ADAMTS2: variants seen among roughly 807,000 people sequenced by gnomAD.
ADAMTS2 encodes ADAM metallopeptidase with thrombospondin type 1 motif 2.
Under a neutral mutation model 123.0 loss-of-function variants are expected in ADAMTS2, and 50 were observed. The observed-to-expected ratio is 0.41, with a 90% CI of 0.32 to 0.51. The LOEUF (loss-of-function observed/expected upper bound fraction) is 0.51, where lower values mean the gene tolerates loss of function less well. Among genes scored for constraint, ADAMTS2 ranks in the 20% least tolerant of loss-of-function variants. The pLI, the probability that ADAMTS2 is intolerant of heterozygous loss-of-function variation, is 0.35. For missense variants in ADAMTS2, 1,494 were observed against 1,705.2 expected, an observed-to-expected ratio of 0.88 and a Z score of 2.18; for synonymous variants, 678 against 695.4, an observed-to-expected ratio of 0.98 and a Z score of 0.39.
At chr5:179,131,549 C>T (rs542579445) in intron 15 of ADAMTS2, among the ~76,000 whole-genome samples, 24 of 152,060 alleles carry the variant, frequency 1.6e-4, no homozygotes, top group African/African-American at 5.5e-4. Flanking sequence ...TATCCAGGGG[C>T]CCCAGCAGTC....
At chr5:179,134,293 A>G (rs1461569450) in intron 13 of ADAMTS2, among the ~76,000 whole-genome samples, 11 of 152,178 alleles carry the variant, frequency 7.2e-5, no homozygotes, top group Admixed American at 7.2e-4. Context: ...ACAGCAAAGC[A>G]CTGGGTTGGG....
chr5:179,335,321 A>G (rs1253897187), intron 2 of ADAMTS2, among the ~76,000 whole-genome samples: 2 of 152,334 alleles, frequency 1.3e-5, no homozygotes, highest in South Asian at 2.1e-4. Context: ...AAAATGATCT[A>G]TTAAACATTC....
rs770127826 is a variant in ADAMTS2 at position 179,130,025 on chromosome 5, G to A, written c.2364C>T (p.Phe788=). 1.2e-6 allele frequency: 2 copies of A among 1,614,040 alleles called. No homozygotes were observed. The highest frequency in any genetic ancestry group is 1.7e-6 in the Non-Finnish European group (2 of 1,180,042). Residue 788 remains phenylalanine, a synonymous_variant, in exon 16 of 22, where the codon TTC becomes TTT. Transcript: ENST00000251582. The surrounding 1 kb of genome is among the most constrained non-coding windows in gnomAD (Gnocchi z 4.3). ...ENDVDASSKT[F]IAMGVEWEYR... ...ACTCCCACTCCACGCCCATGGCAAT[G>A]AAGGTTTTGGAACTGGCATCCACGT...
Position 179,228,749 on chromosome 5 carries a change from TCC to T in ADAMTS2, c.689-21036_689-21035del. Among the ~76,000 whole-genome samples the T allele has an allele frequency of 6.6e-6, 1 of 152,156 alleles. No homozygotes were observed. The highest frequency in any genetic ancestry group is 2.4e-5 in the African/African-American group (1 of 41,434). On this transcript the variant is annotated intron_variant, in intron 3 of 21. Coordinates refer to ENST00000251582, the MANE Select transcript of ADAMTS2 (RefSeq NM_014244.5). This position sits in a 1 kb window ranked among gnomAD's most constrained non-coding sequence, Gnocchi z 5.2. ...TGCCTGCGGAGCATCTGGGGAAGGC[TCC>T]TGTGGGGCTCCAGACCCGGGGCGGT...
chr5:179,195,274 G>C (rs999048758), intron 4 of ADAMTS2, among the ~76,000 whole-genome samples: 1 of 152,120 alleles, frequency 6.6e-6, no homozygotes, highest in Admixed American at 6.5e-5. Flanking sequence ...GCACTTTCCT[G>C]GTGTTCAACT....
chr5:179,207,971 C>G (rs1478083977), intron 3 of ADAMTS2, among the ~76,000 whole-genome samples: 1 of 152,174 alleles, frequency 6.6e-6, no homozygotes, highest in Non-Finnish European at 1.5e-5. Flanking sequence ...GGTGGCAACC[C>G]CAGCCACAGC....
At chr5:179,218,402 C>G (rs1023642471) in intron 3 of ADAMTS2, among the ~76,000 whole-genome samples, 5 of 152,216 alleles carry the variant, frequency 3.3e-5, no homozygotes, top group Admixed American at 3.3e-4. Context: ...CAGGACACAG[C>G]AGAAAGCCCT....
Position 179,212,084 on chromosome 5 carries a change from G to A in ADAMTS2, c.689-4369C>T, listed in dbSNP as rs543437840. 3.9e-5 allele frequency among the ~76,000 whole-genome samples: 6 copies of A among 152,344 alleles called. No individual in the cohort carries two copies. The East Asian group carries it at 7.7e-4, about 20-fold the overall frequency. On this transcript the variant is annotated intron_variant, in intron 3 of 21. Coordinates refer to ENST00000251582, the MANE Select transcript of ADAMTS2 (RefSeq NM_014244.5). The stretch of plus-strand genomic sequence containing the variant: ...TCACCAGCACTGAGGGGTGATTTGC[G>A]GGAATGAGAATTGTAGAAACAAGTA...
chr5:179,142,380 A>C (rs1763185909), intron 10 of ADAMTS2, among the ~76,000 whole-genome samples: 2 of 152,132 alleles, frequency 1.3e-5, no homozygotes, highest in Admixed American at 1.3e-4. Flanking sequence ...AACAGACAGA[A>C]CCAGGGACAA....
chr5:179,203,867 C>T (rs2113366176), intron 4 of ADAMTS2, among the ~76,000 whole-genome samples: 1 of 146,250 alleles, frequency 6.8e-6, no homozygotes, highest in South Asian at 2.1e-4. Flanking sequence ...GGCATATAGT[C>T]AAGAGAACGG....
intron 2 of ADAMTS2, among the ~76,000 whole-genome samples, chr5:179,316,925 C>G (rs1485248482): frequency 2.6e-5 from 4 of 151,794 alleles, no homozygotes; most frequent in African/African-American, 9.7e-5. Context: ...CGGGAGAGAG[C>G]AAGACCCTGT....
intron 2 of ADAMTS2, among the ~76,000 whole-genome samples, chr5:179,273,536 T>C (rs1401611615): frequency 6.6e-6 from 1 of 152,124 alleles, no homozygotes; most frequent in Non-Finnish European, 1.5e-5. Flanking sequence ...ACATGTTCCA[T>C]CTGGGCCAAA....
At chr5:179,330,398 G>A (rs905937229) in intron 2 of ADAMTS2, among the ~76,000 whole-genome samples, 3 of 152,170 alleles carry the variant, frequency 2.0e-5, no homozygotes, top group African/African-American at 7.2e-5. Context: ...TGGCCCCAAA[G>A]GCCACAGCGT....
At chr5:179,223,653 CACAG>C (rs1765198758) in intron 3 of ADAMTS2, among the ~76,000 whole-genome samples, 1 of 146,492 alleles carries the variant, frequency 6.8e-6, no homozygotes, top group African/African-American at 2.5e-5. Context: ...CACATACACT[CACAG>C]ACGCACACTC....
At chr5:179,240,784 A>T (rs1029659303) in intron 3 of ADAMTS2, among the ~76,000 whole-genome samples, 4 of 152,140 alleles carry the variant, frequency 2.6e-5, no homozygotes, top group Non-Finnish European at 5.9e-5. Flanking sequence ...GCCACCCTCG[A>T]CCCTGATACG....
chr5:179,208,046 C>T (rs925184798), intron 3 of ADAMTS2, among the ~76,000 whole-genome samples: 1 of 150,480 alleles, frequency 6.6e-6, no homozygotes, highest in Non-Finnish European at 1.5e-5. Context: ...CCCAGCCCAG[C>T]ATCACCGTCT....
chr5:179,144,375 C>T (rs1763220090), intron 10 of ADAMTS2, among the ~76,000 whole-genome samples: 1 of 152,116 alleles, frequency 6.6e-6, no homozygotes, highest in Non-Finnish European at 1.5e-5. Flanking sequence ...AACATAATTC[C>T]TATCAAAATG....
In ADAMTS2 at chr5:179,319,896, C is replaced by T. The variant is rs56033019; in HGVS notation, c.534+23871G>A. Reference sequence around the variant, plus strand: ...GTTCACACCCAGCCTGCCACATCTCCGGCCTGGCCCACAGAATGCCTGGTC... The same window carrying T: ...GTTCACACCCAGCCTGCCACATCTCTGGCCTGGCCCACAGAATGCCTGGTC... On this transcript the variant is annotated intron_variant, in intron 2 of 21. Transcript: ENST00000251582. Among the ~76,000 whole-genome samples, 1,054 of 152,274 alleles carry T rather than the reference C, an allele frequency of 6.9e-3. 5 individuals carry two copies. Among genetic ancestry groups the T allele is most frequent in the Non-Finnish European group, 0.011 (778 of 68,024 alleles).
chr5:179,175,417 A>G lies in ADAMTS2; in HGVS notation c.975+5655T>C, dbSNP rs1258293649. Among the ~76,000 whole-genome samples, 1 of 152,258 alleles carries G rather than the reference A, an allele frequency of 6.6e-6. No individual in the cohort carries two copies. The highest frequency in any genetic ancestry group is 6.5e-5 in the Admixed American group (1 of 15,290). On this transcript the variant is annotated intron_variant, in intron 5 of 21. Coordinates refer to ENST00000251582, the MANE Select transcript of ADAMTS2 (RefSeq NM_014244.5). This position sits in a 1 kb window ranked among gnomAD's most constrained non-coding sequence, Gnocchi z 4.1. ...ACCTCTCGATTATACCCAGCTTCCCATGAGGACAGCATTTGTGTCTTCATT... is the reference window on the plus strand; with the variant it reads ...ACCTCTCGATTATACCCAGCTTCCCGTGAGGACAGCATTTGTGTCTTCATT...
Sources: allele counts gnomAD v4.1 joint callset (sites outside exome capture counted in the v4.1 genomes callset), GRCh38; gene constraint gnomAD v4.1.1; non-coding constraint Gnocchi (gnomAD v3.1); transcripts MANE v1.5; gene names NCBI Gene and HGNC (gene_info 2026-07-23, HGNC 2026-07-21).